The following STK33 variants were observed in gnomAD, a reference collection of about 807,000 sequenced individuals.
The protein encoded by STK33 is serine/threonine kinase 33, also known as serine/threonine-protein kinase 33.
A neutral mutation model predicts 58.0 loss-of-function variants in STK33; 52 were observed. The observed-to-expected ratio is 0.90, with a 90% CI of 0.72 to 1.13. The LOEUF (loss-of-function observed/expected upper bound fraction) is 1.13. STK33 is among the 50% of genes most tolerant of loss of function. The pLI is 0.00. For missense variants in STK33, 630 were observed against 604.2 expected, an observed-to-expected ratio of 1.04 and a Z score of -0.45; for synonymous variants, 215 against 200.1, an observed-to-expected ratio of 1.07 and a Z score of -0.63.
chr11:8,578,118 C>T (rs1186198706), intron 1 of STK33, among the ~76,000 whole-genome samples: 1 of 152,060 alleles, frequency 6.6e-6, no homozygotes, highest in African/African-American at 2.4e-5. Flanking sequence ...CATATATATA[C>T]GATTACAGTG....
At chr11:8,380,389 G>C in the STK33 span, among the ~76,000 whole-genome samples, 1 of 151,976 alleles carries the variant, frequency 6.6e-6, no homozygotes, top group African/African-American at 2.4e-5. Flanking sequence ...GTGAAACCTC[G>C]TCTCTACTAA....
At chr11:8,401,855 A>C (rs1303493454) in intron 15 of STK33, among the ~76,000 whole-genome samples, 5 of 152,336 alleles carry the variant, frequency 3.3e-5, no homozygotes, top group Non-Finnish European at 4.4e-5. Flanking sequence ...GCCAAAAGAC[A>C]CGTGAAAAAA....
chr11:8,442,930 T>C (rs960028213), intron 11 of STK33, among the ~76,000 whole-genome samples: 3 of 152,144 alleles, frequency 2.0e-5, no homozygotes, highest in Admixed American at 6.5e-5. Context: ...GCTGTGGTGA[T>C]AGAAATCATC....
rs947043323 is a variant in STK33, at chr11:8,391,930, T to C, written c.*580A>G. Reference sequence around the variant, plus strand: ...ATACATTGGGAATTTAGCAGCAAGTTAATGGCAAGCAGTTACAAAATCTCC... The same window carrying C: ...ATACATTGGGAATTTAGCAGCAAGTCAATGGCAAGCAGTTACAAAATCTCC... On this transcript the variant is annotated 3_prime_UTR_variant, in exon 16 of 16. Transcript: ENST00000687296. 2 of 153,542 alleles carry C rather than the reference T, an allele frequency of 1.3e-5. No individual in the cohort carries two copies. The highest frequency in any genetic ancestry group is 4.8e-5 in the African/African-American group (2 of 41,454). 9.5% of individuals were successfully genotyped at this position (153,542 alleles called of 1,614,324 possible). A position where few individuals can be genotyped will look rare whatever the true frequency, so the allele number is the denominator to read the frequency against.
chr11:8,434,869 A>T (rs1943875482), intron 14 of STK33, among the ~76,000 whole-genome samples: 1 of 152,198 alleles, frequency 6.6e-6, no homozygotes, highest in African/African-American at 2.4e-5. Context: ...CAATGTTTCC[A>T]ACTAACAGTC....
intron 6 of STK33, chr11:8,465,042 C>T (rs1948011887): frequency 3.1e-6 from 1 of 325,120 alleles, no homozygotes; most frequent in Non-Finnish European, 5.5e-6. Context: ...TGGAGGAAAA[C>T]CATAAAAATC....
At chr11:8,424,602 C>A (rs1454021033) in intron 14 of STK33, among the ~76,000 whole-genome samples, 1 of 151,098 alleles carries the variant, frequency 6.6e-6, no homozygotes, top group Non-Finnish European at 1.5e-5. Flanking sequence ...TACAGTCCCA[C>A]CAACAGTGTA....
At chr11:8,401,058 C>G (rs76654428) in intron 15 of STK33, among the ~76,000 whole-genome samples, 92,185 of 151,836 alleles carry the variant, frequency 0.61, 28,919 homozygotes, top group African/African-American at 0.75. Flanking sequence ...GTAATTTATA[C>G]ATTCAATGCC....
At chr11:8,584,076 C>T (rs2030980281) in intron 1 of STK33, among the ~76,000 whole-genome samples, 1 of 143,876 alleles carries the variant, frequency 7.0e-6, no homozygotes, top group Non-Finnish European at 1.5e-5. Flanking sequence ...TTTATTGAAT[C>T]GCAGAATGAT....
intron 15 of STK33, among the ~76,000 whole-genome samples, chr11:8,394,949 C>T (rs1260462092): frequency 6.6e-6 from 1 of 152,126 alleles, no homozygotes; most frequent in Non-Finnish European, 1.5e-5. Flanking sequence ...CTCCTCCTTA[C>T]CCCCTAGTTA....
intron 1 of STK33, among the ~76,000 whole-genome samples, chr11:8,500,183 T>C (rs1951405942): frequency 6.6e-6 from 1 of 152,160 alleles, no homozygotes; most frequent in Non-Finnish European, 1.5e-5. Context: ...AAGATTGTAC[T>C]GGAGGTCCTA....
intron 1 of STK33, among the ~76,000 whole-genome samples, chr11:8,583,415 T>C (rs2030806378): frequency 1.3e-5 from 2 of 152,154 alleles, no homozygotes; most frequent in African/African-American, 2.4e-5. Context: ...AAAGCAGATA[T>C]GTAGGAAAGG....
intron 2 of STK33, among the ~76,000 whole-genome samples, chr11:8,478,999 A>G (rs540648075): frequency 6.6e-6 from 1 of 152,294 alleles, no homozygotes; most frequent in East Asian, 1.9e-4. Flanking sequence ...ATTTTTTTAA[A>G]TGTTTGAGTG....
At chr11:8,512,913 C>G (rs949216711) in intron 1 of STK33, among the ~76,000 whole-genome samples, 1 of 152,134 alleles carries the variant, frequency 6.6e-6, no homozygotes, top group African/African-American at 2.4e-5. Context: ...GCATATTTAG[C>G]GCCCCTAGGT....
At chr11:8,581,794 G>T (rs1281090956) in intron 1 of STK33, among the ~76,000 whole-genome samples, 2 of 152,300 alleles carry the variant, frequency 1.3e-5, no homozygotes, top group Middle Eastern at 6.8e-3. Flanking sequence ...TGTATTTTTT[G>T]AACTCTTAGC....
intron 1 of STK33, among the ~76,000 whole-genome samples, chr11:8,561,047 T>C (rs764158728): frequency 5.9e-5 from 9 of 152,200 alleles, no homozygotes; most frequent in African/African-American, 9.6e-5. Context: ...TCAACATTAA[T>C]TTTAGAGCCT....
chr11:8,590,374 A>G (rs2032402092), intron 1 of STK33, among the ~76,000 whole-genome samples: 1 of 152,220 alleles, frequency 6.6e-6, no homozygotes. Context: ...ATAAATATTT[A>G]TTGAATGAAT....
intron 1 of STK33, among the ~76,000 whole-genome samples, chr11:8,538,059 G>A (rs1955192279): frequency 6.6e-6 from 1 of 151,898 alleles, no homozygotes; most frequent in South Asian, 2.1e-4. Flanking sequence ...ATGGTGGTGT[G>A]CACCTGTAGT....
Position 8,537,769 on chromosome 11 carries a change from C to G in STK33, c.-466+56314G>C, listed in dbSNP as rs185466984. Among the ~76,000 whole-genome samples the G allele has an allele frequency of 7.9e-3, 1,172 of 148,506 alleles. 3 individuals carry two copies. Among genetic ancestry groups the G allele is most frequent in the Non-Finnish European group, 0.012 (796 of 67,438 alleles). ...AGGTTGCAGTGGGCCGAGATCATGC[C>G]ACTGCACTCCAGCCTGGGGAACAGA... On this transcript the variant is annotated intron_variant, in intron 1 of 15. Transcript: ENST00000687296.
Sources: gnomAD v4.1 joint callset for allele counts (sites outside exome capture counted in the v4.1 genomes callset) on GRCh38, gnomAD v4.1.1 for gene constraint, MANE v1.5 for transcripts, NCBI Gene and HGNC (gene_info 2026-07-23, HGNC 2026-07-21) for gene names.